Variants in ZNF410 observed in about 807,000 individuals in gnomAD.
ZNF410 encodes another partner for ARF 1.
In ZNF410, 18 loss-of-function variants were observed where a neutral mutation model predicts 54.8. The observed-to-expected ratio is 0.33, with a 90% CI of 0.23 to 0.49. The LOEUF is 0.49. Among genes scored for constraint, ZNF410 ranks in the 20% least tolerant of loss-of-function variants. The pLI is 0.99. For synonymous variants in ZNF410, 191 were observed against 207.3 expected (o/e 0.92, Z 0.68); for missense variants, 405 against 569.6 (o/e 0.71, Z 2.94).
intron 8 of ZNF410, chr14:73,916,793 G>T (rs2055673935): frequency 7.0e-6 from 1 of 143,618 alleles, no homozygotes; most frequent in Admixed American, 7.2e-5. Context: ...GGGCAACACA[G>T]TGAAGCCCCG....
At chr14:73,909,270 G>T in intron 7 of ZNF410, 71 bp from the exon 8 acceptor site, 1 of 1,292,288 alleles carries the variant, frequency 7.7e-7, no homozygotes, top group Non-Finnish European at 1.1e-6. Context: ...GAATAAAGTT[G>T]GTGGGAAAAG....
At chr14:73,911,401 C>A (rs2055576053) in intron 8 of ZNF410, among the ~76,000 whole-genome samples, 1 of 152,166 alleles carries the variant, frequency 6.6e-6, no homozygotes, top group African/African-American at 2.4e-5. Context: ...CAAGCTACTG[C>A]AGCAGGAGCA....
intron 8 of ZNF410, among the ~76,000 whole-genome samples, chr14:73,910,802 C>CACATATTTATA (rs1566659970): frequency 7.4e-6 from 1 of 136,018 alleles, no homozygotes; most frequent in African/African-American, 2.9e-5. Context: ...GTTGAGGCTG[C>CACATATTTATA]AGTGAGTTGT....
At chr14:73,922,035 G>A in intron 9 of ZNF410, 31 bp from the exon 10 acceptor site, 2 of 1,611,514 alleles carry the variant, frequency 1.2e-6, no homozygotes, top group Non-Finnish European at 1.7e-6. Flanking sequence ...CTTGATTGCT[G>A]TATGTCTCTC....
Position 73,920,961 on chromosome 14 carries a change from A to G in ZNF410, c.1004-19A>G. Reference sequence around the variant, plus strand: ...TCCTGTCCTTTTGGCTTCCTTGTTTAACCTGGTCCCTGTTTCAGGAGAGAA... The same window carrying G: ...TCCTGTCCTTTTGGCTTCCTTGTTTGACCTGGTCCCTGTTTCAGGAGAGAA... On this transcript the variant is annotated intron_variant, in intron 8 of 11. Coordinates refer to ENST00000555044, the MANE Select transcript of ZNF410 (RefSeq NM_021188.3). The G allele has an allele frequency of 6.2e-7, 1 of 1,613,628 alleles. No homozygotes were observed. The highest frequency in any genetic ancestry group is 8.5e-7 in the Non-Finnish European group (1 of 1,179,768).
chr14:73,901,472 T>G (rs1047437106), intron 5 of ZNF410, among the ~76,000 whole-genome samples: 11 of 152,020 alleles, frequency 7.2e-5, no homozygotes, highest in Admixed American at 2.0e-4. Flanking sequence ...TGACCATATA[T>G]TGATAATCTT....
rs577220326 is a variant in ZNF410, at chr14:73,932,111, A to G, written c.*570A>G. 3.7e-4 allele frequency: 166 copies of G among 447,472 alleles called. No homozygotes were observed. Among genetic ancestry groups the G allele is most frequent in the South Asian group, 8.5e-4 (54 of 63,456 alleles). 27.7% of individuals were successfully genotyped at this position (447,472 alleles called of 1,614,324 possible). On this transcript the variant is annotated 3_prime_UTR_variant, in exon 12 of 12. Coordinates refer to ENST00000555044, the MANE Select transcript of ZNF410 (RefSeq NM_021188.3). ...TTGAATCTCCCCTTGGCCCAGGCTG[A>G]GGTACTATCTTGTCCTATACACTTC...
At chr14:73,915,971 G>C (rs771540535) in intron 8 of ZNF410, 1 of 152,414 alleles carries the variant, frequency 6.6e-6, no homozygotes, top group Non-Finnish European at 1.5e-5. Flanking sequence ...TGGATGTGGT[G>C]GCTCATGCCT....
At chr14:73,924,753 T>G (rs2055804466) in intron 11 of ZNF410, 1 of 423,950 alleles carries the variant, frequency 2.4e-6, no homozygotes. Flanking sequence ...CTCGGCTCAC[T>G]GCAACCTCTG....
rs906481832 is a variant in ZNF410, at chr14:73,918,997, CTTTTTTTTT to C, written c.1004-1961_1004-1953del. On this transcript the variant is annotated intron_variant, in intron 8 of 11. Transcript: ENST00000555044. ...ACAGGAGTAAGCCACCGTGCCCGGC[CTTTTTTTTT>C]TTTTTTTTTTTTTTTTTTTTTGACA... is the stretch of plus-strand genomic sequence containing the variant. 3.5e-4 allele frequency among the ~76,000 whole-genome samples: 21 copies of C among 60,642 alleles called. No individual in the cohort carries two copies. In the East Asian group the frequency reaches 0.014, roughly 40 times the overall value. 39.8% of individuals were successfully genotyped at this position (60,642 alleles called of 152,430 possible).
intron 8 of ZNF410, chr14:73,914,149 A>G (rs1006583711): frequency 2.6e-5 from 4 of 151,814 alleles, no homozygotes; most frequent in Non-Finnish European, 4.4e-5. Context: ...GTCCTTCCAC[A>G]TCAGTCTCCC....
At chr14:73,894,506 C>G in intron 3 of ZNF410, 1 of 676,008 alleles carries the variant, frequency 1.5e-6, no homozygotes, top group South Asian at 1.6e-5. Flanking sequence ...ACTGCAACCT[C>G]CGCCTCCCCT....
At chr14:73,905,132 C>CATGTTTGCCTCTCCT (rs1487970086) in intron 7 of ZNF410, 49 bp downstream of exon 7, 1 of 1,569,194 alleles carries the variant, frequency 6.4e-7, no homozygotes, top group East Asian at 2.3e-5. Context: ...CTTGGCTCTG[C>CATGTTTGCCTCTCCT]ATGTTTGCCT....
At chr14:73,916,808 T>C (rs1300192117) in intron 8 of ZNF410, 1 of 107,088 alleles carries the variant, frequency 9.3e-6, no homozygotes, top group East Asian at 3.5e-4. Flanking sequence ...GCCCCGTTTC[T>C]ACAAAAAAAA....
At chr14:73,908,860 C>T (rs187564390) in intron 7 of ZNF410, among the ~76,000 whole-genome samples, 1 of 152,034 alleles carries the variant, frequency 6.6e-6, no homozygotes, top group East Asian at 1.9e-4. Context: ...TTGTTTGAGA[C>T]AGGGTCTCTC....
intron 8 of ZNF410, among the ~76,000 whole-genome samples, chr14:73,917,933 C>G (rs957446386): frequency 6.6e-6 from 1 of 152,160 alleles, no homozygotes; most frequent in Non-Finnish European, 1.5e-5. Context: ...CCAAAATCCA[C>G]AAATACTCAA....
chr14:73,903,380 C>CT (rs2055436812), intron 5 of ZNF410, among the ~76,000 whole-genome samples: 1 of 152,162 alleles, frequency 6.6e-6, no homozygotes, highest in African/African-American at 2.4e-5. Context: ...TTGGATATCT[C>CT]TTACATTTGT....
intron 8 of ZNF410, chr14:73,916,398 C>T (rs2055667732): frequency 6.6e-6 from 1 of 152,244 alleles, no homozygotes; most frequent in East Asian, 1.9e-4. Context: ...TTAGGCTGGT[C>T]TTGAACTCTT....
Position 73,931,805 on chromosome 14 carries a change from G to C in ZNF410, c.*264G>C. The C allele has an allele frequency of 4.1e-6, 2 of 486,156 alleles. No homozygotes were observed. Among genetic ancestry groups the C allele is most frequent in the Non-Finnish European group, 3.8e-6 (1 of 261,292 alleles). The allele number at this position is 486,156 out of a possible 1,614,324, so 30.1% of individuals were successfully genotyped here. On this transcript the variant is annotated 3_prime_UTR_variant, in exon 12 of 12. Coordinates refer to ENST00000555044, the MANE Select transcript of ZNF410 (RefSeq NM_021188.3). ...CTCTCTTCCCACTGCAAATTTCTGG[G>C]ATAGACCAAAAGTGAATTTGATTAT...
Sources: gnomAD v4.1 joint callset for allele counts (sites outside exome capture counted in the v4.1 genomes callset) on GRCh38, gnomAD v4.1.1 for gene constraint, MANE v1.5 for transcripts, NCBI Gene and HGNC (gene_info 2026-07-23, HGNC 2026-07-21) for gene names.